EPB41L4A: variants seen among roughly 807,000 people sequenced by gnomAD.
EPB41L4A encodes the protein erythrocyte membrane protein band 4.1 like 4A.
EPB41L4A carries 100 observed loss-of-function variants against 108.6 expected under a neutral mutation model. The observed-to-expected ratio is 0.92, with a 90% confidence interval of 0.78 to 1.09. The LOEUF (loss-of-function observed/expected upper bound fraction) is 1.09. EPB41L4A is among the 50% of genes least tolerant of loss of function. The pLI is 0.00. For missense variants in EPB41L4A, 1,030 were observed against 842.7 expected (o/e 1.22, Z -2.75); for synonymous variants, 319 against 289.0 (o/e 1.10, Z -1.05).
At chr5:112,349,729 C>A (rs1757919112) in intron 1 of EPB41L4A, among the ~76,000 whole-genome samples, 1 of 151,810 alleles carries the variant, frequency 6.6e-6, no homozygotes, top group Non-Finnish European at 1.5e-5. Flanking sequence ...ATGTCCAGAA[C>A]AACATGGGGT....
chr5:112,202,962 G>C (rs1435102620), intron 15 of EPB41L4A, among the ~76,000 whole-genome samples: 1 of 152,276 alleles, frequency 6.6e-6, no homozygotes. Flanking sequence ...CAGCAATTTG[G>C]GAGACTGAGG....
In EPB41L4A at chr5:112,264,959, C is replaced by A; in HGVS notation, c.491G>T (p.Arg164Leu). 6.2e-7 allele frequency: 1 copy of A among 1,611,588 alleles called. No individual in the cohort carries two copies. The highest frequency in any genetic ancestry group is 8.5e-7 in the Non-Finnish European group (1 of 1,178,854). The stretch of plus-strand genomic sequence containing the variant: ...TTCTTCCTTCTGATCAGGAACAAAC[C>A]GGTACTCAGATACATATCCTGCAGT... ...KHTAGYVSEY[R>L]FVPDQKEELE... is the part of the protein sequence containing the mutation. Residue 164 changes from arginine to leucine, a missense_variant, in exon 6 of 23, where the codon CGG becomes CTG. Physicochemically the swap from Arg to Leu is moderately radical, Grantham distance 102. Transcript: ENST00000261486.
chr5:112,235,278 G>C (rs1332087575), intron 11 of EPB41L4A, among the ~76,000 whole-genome samples: 1 of 152,192 alleles, frequency 6.6e-6, no homozygotes, highest in African/African-American at 2.4e-5. Flanking sequence ...GGCAGGCCTA[G>C]AACCCCATGC....
intron 2 of EPB41L4A, among the ~76,000 whole-genome samples, chr5:112,283,397 G>A (rs1377692735): frequency 6.6e-6 from 1 of 152,142 alleles, no homozygotes; most frequent in Admixed American, 6.5e-5. Context: ...TTCAACCAAG[G>A]GAAAGATGTG....
At position 112,184,072 on chromosome 5, in the gene EPB41L4A, T is replaced by C. The variant is rs1230126565; in HGVS notation, c.1566A>G (p.Gln522=). 1 of 1,614,044 alleles carries C rather than the reference T, an allele frequency of 6.2e-7. No homozygotes were observed. ...APQWEAVLRR[Q]KEKNQADPNN... Reference sequence around the variant, plus strand: ...TGGGGTCGGCTTGGTTTTTTTCCTTTTGTCTCCTTAATACAGCTTCCCACT... The same window carrying C: ...TGGGGTCGGCTTGGTTTTTTTCCTTCTGTCTCCTTAATACAGCTTCCCACT... Residue 522 remains glutamine, a synonymous_variant, in exon 18 of 23, where the codon CAA becomes CAG. Transcript: ENST00000261486.
intron 1 of EPB41L4A, among the ~76,000 whole-genome samples, chr5:112,392,510 T>G (rs977142477): frequency 3.4e-5 from 5 of 148,934 alleles, no homozygotes; most frequent in African/African-American, 1.0e-4. Context: ...TACATAATGG[T>G]AAAGGGATCA....
intron 1 of EPB41L4A, among the ~76,000 whole-genome samples, chr5:112,313,310 G>A (rs1403047471): frequency 6.6e-6 from 1 of 152,234 alleles, no homozygotes; most frequent in Non-Finnish European, 1.5e-5. Flanking sequence ...TCCTTTTGTA[G>A]GGTGGGCGCG....
intron 1 of EPB41L4A, among the ~76,000 whole-genome samples, chr5:112,385,749 C>T (rs1056098202): frequency 6.6e-6 from 1 of 152,090 alleles, no homozygotes. Context: ...CCAACCTCCC[C>T]AATATATTTT....
rs150714626 is a variant in EPB41L4A, at chr5:112,264,853, G to A, written c.554+43C>T. On this transcript the variant is annotated intron_variant, in intron 6 of 22. Coordinates refer to ENST00000261486, the MANE Select transcript of EPB41L4A (RefSeq NM_022140.5). ...TTTCTTGTGAATATCAGAAGATGAT[G>A]ACTGATGGATGATGCAATAAGACAT... is the stretch of plus-strand genomic sequence containing the variant. The A allele has an allele frequency of 9.1e-4, 1,431 of 1,578,774 alleles. 8 individuals are homozygous for A. The African/African-American group carries it at 0.016, about 18-fold the overall frequency.
At chr5:112,365,197 G>A (rs1222739085) in intron 1 of EPB41L4A, among the ~76,000 whole-genome samples, 1 of 152,046 alleles carries the variant, frequency 6.6e-6, no homozygotes, top group Non-Finnish European at 1.5e-5. Context: ...TATTTTAAGT[G>A]TTTCATTTTA....
intron 17 of EPB41L4A, among the ~76,000 whole-genome samples, chr5:112,185,301 C>A (rs1486926169): frequency 6.6e-6 from 1 of 152,210 alleles, no homozygotes; most frequent in Non-Finnish European, 1.5e-5. Context: ...GGCTTGGAGG[C>A]ATTTCCTTCT....
intron 1 of EPB41L4A, among the ~76,000 whole-genome samples, chr5:112,310,901 TCA>T (rs1347228636): frequency 2.6e-4 from 40 of 152,266 alleles, no homozygotes; most frequent in Admixed American, 1.8e-3. Context: ...TAGGATTAAT[TCA>T]CAGAGTAGCT....
intron 1 of EPB41L4A, among the ~76,000 whole-genome samples, chr5:112,362,753 T>C (rs1306690008): frequency 1.3e-5 from 2 of 152,212 alleles, no homozygotes; most frequent in African/African-American, 4.8e-5. Flanking sequence ...AATACTTTAC[T>C]GTTCTCTTAA....
intron 1 of EPB41L4A, among the ~76,000 whole-genome samples, chr5:112,309,145 T>C (rs1754884336): frequency 6.6e-6 from 1 of 152,158 alleles, no homozygotes; most frequent in African/African-American, 2.4e-5. Context: ...TGCTTCCAAA[T>C]GGACAGACAA....
chr5:112,305,140 T>C (rs1754604802), intron 2 of EPB41L4A, among the ~76,000 whole-genome samples: 1 of 152,178 alleles, frequency 6.6e-6, no homozygotes, highest in South Asian at 2.1e-4. Flanking sequence ...GGAATTCTGG[T>C]CCTAATACGT....
intron 12 of EPB41L4A, among the ~76,000 whole-genome samples, chr5:112,151,631 A>T (rs927349751): frequency 6.6e-6 from 1 of 151,314 alleles, no homozygotes; most frequent in Admixed American, 6.6e-5. Flanking sequence ...TGGTCTCAAA[A>T]TCTTGAGCTC....
At chr5:112,379,148 A>C (rs2112591734) in intron 1 of EPB41L4A, among the ~76,000 whole-genome samples, 1 of 152,322 alleles carries the variant, frequency 6.6e-6, no homozygotes, top group South Asian at 2.1e-4. Flanking sequence ...AAGCTAGCCC[A>C]CTGGCTTTCA....
chr5:112,260,733 T>G (rs760530220), intron 7 of EPB41L4A, among the ~76,000 whole-genome samples: 1 of 152,184 alleles, frequency 6.6e-6, no homozygotes, highest in Non-Finnish European at 1.5e-5. Context: ...AATGAAAAAG[T>G]CATAGAGTAG....
chr5:112,221,100 T>G (rs889477813), intron 12 of EPB41L4A, among the ~76,000 whole-genome samples: 3 of 152,204 alleles, frequency 2.0e-5, no homozygotes, highest in African/African-American at 7.2e-5. Flanking sequence ...GCCATGAACC[T>G]AGTGATAAGT....
Sources: gnomAD v4.1 joint callset for allele counts (sites outside exome capture counted in the v4.1 genomes callset) on GRCh38, gnomAD v4.1.1 for gene constraint, MANE v1.5 for transcripts, NCBI Gene and HGNC (gene_info 2026-07-23, HGNC 2026-07-21) for gene names.